Variants in TPCN1 observed in about 807,000 individuals in gnomAD.
The protein encoded by TPCN1 is two pore channel protein 1.
TPCN1 carries 52 observed loss-of-function variants against 108.8 expected under a neutral mutation model. That is an observed-to-expected ratio of 0.48 (90% CI 0.38 to 0.60). The LOEUF is 0.60. Among genes scored for constraint, TPCN1 ranks in the 20% least tolerant of loss-of-function variants. The probability of loss-of-function intolerance (pLI) is 0.00; values close to 1 mark genes in which losing one functional copy is unlikely to be tolerated. For missense variants in TPCN1, 806 were observed against 1,072.8 expected, an observed-to-expected ratio of 0.75 and a Z score of 3.47; for synonymous variants, 446 against 433.7, an observed-to-expected ratio of 1.03 and a Z score of -0.35.
At chr12:113,226,638 C>A in intron 1 of TPCN1, 90 bp from the exon 2 acceptor site, 1 of 1,081,578 alleles carries the variant, frequency 9.2e-7, no homozygotes, top group Non-Finnish European at 1.3e-6. Context: ...GGTTGTGCAA[C>A]CATCACCACT....
rs1031759122 is a variant in TPCN1, at chr12:113,297,966, C to T, written c.*1890C>T. 1 of 152,260 alleles carries T rather than the reference C, an allele frequency of 6.6e-6. No individual in the cohort carries two copies. The highest frequency in any genetic ancestry group is 1.5e-5 in the Non-Finnish European group (1 of 68,106). The allele number at this position is 152,260 out of a possible 1,614,324, so 9.4% of individuals were successfully genotyped here. A position where few individuals can be genotyped will look rare whatever the true frequency, so the allele number is the denominator to read the frequency against. ...CCTTCTTCCTCCCCAGGGGTGGAAA[C>T]GTGGAGGGGCCAGCAGCACCCCGGG... On this transcript the variant is annotated 3_prime_UTR_variant, in exon 28 of 28. Coordinates refer to ENST00000335509, the MANE Select transcript of TPCN1 (RefSeq NM_017901.6). The surrounding 1 kb of genome is among the most constrained non-coding windows in gnomAD (Gnocchi z 4.4).
At position 113,232,348 on chromosome 12, in the gene TPCN1, G is replaced by A. The variant is rs1953720671; in HGVS notation, c.112+5384G>A. Among the ~76,000 whole-genome samples the A allele has an allele frequency of 6.6e-6, 1 of 152,238 alleles. No individual in the cohort carries two copies. Among genetic ancestry groups the A allele is most frequent in the Admixed American group, 6.5e-5 (1 of 15,284 alleles). ...GTGGCACCCTGGTCCCCTTTTCAGG[G>A]TCTTCATGCAGCCAGGGCGAGTTGG... On this transcript the variant is annotated intron_variant, in intron 2 of 27. Coordinates refer to ENST00000335509, the MANE Select transcript of TPCN1 (RefSeq NM_017901.6). This position sits in a 1 kb window ranked among gnomAD's most constrained non-coding sequence, Gnocchi z 5.6.
rs114894561 is a variant in TPCN1 at position 113,272,515 on chromosome 12, C to T, written c.749-143C>T. ...TCCCTTCCAACAGAGCATGTGTTCT[C>T]AGGGTGCTGTGGTCCCCAGCAGTCC... On this transcript the variant is annotated intron_variant, in intron 7 of 27. Transcript: ENST00000335509. The surrounding 1 kb of genome is among the most constrained non-coding windows in gnomAD (Gnocchi z 4.1). 1,691 of 778,038 alleles carry T rather than the reference C, an allele frequency of 2.2e-3. 23 individuals are homozygous for T. In the African/African-American group the frequency reaches 0.022, roughly 10 times the overall value. The allele number at this position is 778,038 out of a possible 1,614,324, so 48.2% of individuals were successfully genotyped here.
chr12:113,280,087 T>G (rs1309781935), intron 14 of TPCN1, 64 bp from the exon 15 acceptor site: 2 of 1,280,174 alleles, frequency 1.6e-6, no homozygotes, highest in Non-Finnish European at 2.3e-6. Context: ...TAATAATAAT[T>G]AAGGATACAG....
intron 15 of TPCN1, among the ~76,000 whole-genome samples, chr12:113,282,711 C>T (rs375037230): frequency 1.9e-4 from 29 of 150,250 alleles, no homozygotes; most frequent in East Asian, 1.2e-3. Flanking sequence ...GTGCCATGAT[C>T]GCGCCACTGC....
intron 22 of TPCN1, 54 bp downstream of exon 22, chr12:113,290,297 C>T (rs1956224461): frequency 7.9e-7 from 1 of 1,258,922 alleles, no homozygotes; most frequent in Non-Finnish European, 1.1e-6. Flanking sequence ...ACCCTTGTCA[C>T]CCTTGTCACC....
At chr12:113,239,481 T>A (rs1199362416) in intron 2 of TPCN1, among the ~76,000 whole-genome samples, 2 of 152,234 alleles carry the variant, frequency 1.3e-5, no homozygotes, top group African/African-American at 4.8e-5. Flanking sequence ...ATCATGTCTC[T>A]TCTACACATA....
Position 113,293,521 on chromosome 12 carries a change from C to T in TPCN1, c.2334+172C>T, listed in dbSNP as rs141611940. ...GGGACCTGAGCGGGGCTCACTTAGC[C>T]TTGAACCCTTGACTCGTGCCCAGCA... On this transcript the variant is annotated intron_variant, in intron 27 of 27. Transcript: ENST00000335509. Among the ~76,000 whole-genome samples the T allele has an allele frequency of 2.2e-3, 331 of 152,324 alleles. 1 individual carries two copies. Among genetic ancestry groups the T allele is most frequent in the African/African-American group, 7.6e-3 (318 of 41,578 alleles).
chr12:113,232,906 C>T lies in TPCN1; in HGVS notation c.112+5942C>T, dbSNP rs183071087. ...GGCCCCTGCCAAGCTGGGACGCCTC[C>T]GTGTAGCAGCTGGAGACCAAGCAGC... On this transcript the variant is annotated intron_variant, in intron 2 of 27. Transcript: ENST00000335509. The surrounding 1 kb of genome is among the most constrained non-coding windows in gnomAD (Gnocchi z 5.6). 1.5e-3 allele frequency among the ~76,000 whole-genome samples: 222 copies of T among 152,314 alleles called. 2 individuals carry two copies. The highest frequency in any genetic ancestry group is 2.1e-3 in the Non-Finnish European group (142 of 68,026).
Position 113,231,844 on chromosome 12 carries a change from T to A in TPCN1, c.112+4880T>A, listed in dbSNP as rs766755924. On this transcript the variant is annotated intron_variant, in intron 2 of 27. Coordinates refer to ENST00000335509, the MANE Select transcript of TPCN1 (RefSeq NM_017901.6). This position sits in a 1 kb window ranked among gnomAD's most constrained non-coding sequence, Gnocchi z 4.3. ...TAAAGCCTGGAAACTAGGAATAACC[T>A]TGAAAACAGTCAGCGGGGCCACTGT... is the stretch of plus-strand genomic sequence containing the variant. Among the ~76,000 whole-genome samples the A allele has an allele frequency of 5.3e-5, 8 of 152,160 alleles. No homozygotes were observed. The highest frequency in any genetic ancestry group is 1.0e-4 in the Non-Finnish European group (7 of 68,028).
intron 2 of TPCN1, among the ~76,000 whole-genome samples, chr12:113,256,048 C>T (rs903290005): frequency 6.6e-6 from 1 of 152,136 alleles, no homozygotes; most frequent in Non-Finnish European, 1.5e-5. Context: ...GTCTTCAACT[C>T]CTGACCTGAA....
intron 11 of TPCN1, 57 bp downstream of exon 11, chr12:113,277,092 G>GC: frequency 6.3e-7 from 1 of 1,596,568 alleles, no homozygotes. Context: ...CTTGCCCAGA[G>GC]CAGCCCCTAA....
At position 113,233,480 on chromosome 12, in the gene TPCN1, A is replaced by T. The variant is rs145810025; in HGVS notation, c.112+6516A>T. On this transcript the variant is annotated intron_variant, in intron 2 of 27. Coordinates refer to ENST00000335509, the MANE Select transcript of TPCN1 (RefSeq NM_017901.6). ...GTTTCAAATGACAGCAAGGTAGCCCAGGAACAAACCTGGAGTGACGTCAAT... is the reference window on the plus strand; with the variant it reads ...GTTTCAAATGACAGCAAGGTAGCCCTGGAACAAACCTGGAGTGACGTCAAT... Among the ~76,000 whole-genome samples the T allele has an allele frequency of 5.1e-3, 784 of 152,362 alleles. 11 individuals carry two copies. The highest frequency in any genetic ancestry group is 0.018 in the African/African-American group (743 of 41,600).
At chr12:113,263,326 C>T (rs1955114492) in intron 3 of TPCN1, among the ~76,000 whole-genome samples, 3 of 152,154 alleles carry the variant, frequency 2.0e-5, no homozygotes, top group South Asian at 4.1e-4. Context: ...TATAGTGGTG[C>T]GACCTTGGCT....
At chr12:113,293,136 C>G in intron 26 of TPCN1, 63 bp downstream of exon 26, 1 of 1,600,800 alleles carries the variant, frequency 6.2e-7, no homozygotes, top group Non-Finnish European at 8.5e-7. Context: ...GGCATAATCC[C>G]TTCCCTCAGA....
rs751215246 is a variant in TPCN1, at chr12:113,267,943, G to A, written c.515G>A (p.Arg172Gln). Residue 172 changes from arginine to glutamine, a missense_variant, in exon 5 of 28, where the codon CGG becomes CAG. By Grantham distance (43) the Arg-to-Gln change is conservative (BLOSUM62 1). Transcript: ENST00000335509. ...CTCCACACCTTCATCCGGCACAAGC[G>A]GACCATGGTCAAGGTGATGTGTCCG... ...LGLHTFIRHK[R>Q]TMVKTSVLVV... The A allele has an allele frequency of 3.7e-6, 6 of 1,612,604 alleles. No homozygotes were observed. Among genetic ancestry groups the A allele is most frequent in the African/African-American group, 1.3e-5 (1 of 74,886 alleles).
rs765945897 is a variant in TPCN1, at chr12:113,277,010, C to G, written c.1034C>G (p.Ala345Gly). The G allele has an allele frequency of 1.9e-6, 3 of 1,613,818 alleles. No homozygotes were observed. The change falls in exon 11 of 28, where the codon GCC (alanine) becomes GGC (glycine). Residue 345 changes from alanine (A) to glycine (G), a missense_variant. Physicochemically the swap from Ala to Gly is moderately conservative, Grantham distance 60. Transcript: ENST00000335509. ...LLHKRTAIQHAYRLLISQRRP... is the reference protein window; with the variant it reads ...LLHKRTAIQHGYRLLISQRRP... ...CACAAGCGAACCGCTATCCAGCATG[C>G]CTACCGCCTGCTCATCAGCCAGAGG...
chr12:113,267,816 A>G (rs749886050), intron 4 of TPCN1, 27 bp from the exon 5 acceptor site: 19 of 1,543,722 alleles, frequency 1.2e-5, no homozygotes, highest in Non-Finnish European at 1.5e-5. Flanking sequence ...GCTGGCCATG[A>G]CACATCTCCA....
chr12:113,246,563 C>G (rs1013565487), intron 2 of TPCN1, among the ~76,000 whole-genome samples: 5 of 152,208 alleles, frequency 3.3e-5, no homozygotes, highest in Admixed American at 6.5e-5. Flanking sequence ...CTGCTCATCT[C>G]CCTCCCTCCT....
Sources: allele counts gnomAD v4.1 joint callset (sites outside exome capture counted in the v4.1 genomes callset), GRCh38; gene constraint gnomAD v4.1.1; non-coding constraint Gnocchi (gnomAD v3.1); transcripts MANE v1.5; gene names NCBI Gene and HGNC (gene_info 2026-07-23, HGNC 2026-07-21).